DPP10: variants seen among roughly 807,000 people sequenced by gnomAD.
DPP10 encodes inactive dipeptidyl peptidase 10.
In DPP10, 33 loss-of-function variants were observed where a neutral mutation model predicts 120.9. That is an observed-to-expected ratio of 0.27 (90% CI 0.21 to 0.37). DPP10 has a LOEUF of 0.37. Among genes scored for constraint, DPP10 ranks in the 10% least tolerant of loss-of-function variants. DPP10 has a pLI of 1.00. For missense variants in DPP10, 816 were observed against 942.8 expected (o/e 0.87, Z 1.76); for synonymous variants, 337 against 326.1 (o/e 1.03, Z -0.36).
chr2:114,461,672 A>AAAT, intron 1 of DPP10: 1 of 985,434 alleles, frequency 1.0e-6, no homozygotes, highest in Non-Finnish European at 1.2e-6. Context: ...CTTCGGAGAC[A>AAAT]AATACTTGCT....
In DPP10 at chr2:114,676,189, G is replaced by A. The variant is rs185404303; in HGVS notation, c.60+233351G>A. On this transcript the variant is annotated intron_variant, in intron 1 of 25. Transcript: ENST00000410059. ...TAATCCCTATATGACTGTAATATAAGTTATTCTGGGGAACAATTTGAGACA... is the reference window on the plus strand; with the variant it reads ...TAATCCCTATATGACTGTAATATAAATTATTCTGGGGAACAATTTGAGACA... Among the ~76,000 whole-genome samples, 7 of 152,248 alleles carry A rather than the reference G, an allele frequency of 4.6e-5. No individual in the cohort carries two copies. The East Asian group carries it at 7.7e-4, about 17-fold the overall frequency.
intron 3 of DPP10, among the ~76,000 whole-genome samples, chr2:115,458,507 T>A (rs958199503): frequency 6.6e-6 from 1 of 152,036 alleles, no homozygotes; most frequent in Non-Finnish European, 1.5e-5. Context: ...CTTTCTGTAT[T>A]CCTATTTTGA....
intron 1 of DPP10, among the ~76,000 whole-genome samples, chr2:115,224,849 G>A (rs1055044638): frequency 1.4e-4 from 21 of 152,148 alleles, no homozygotes; most frequent in Non-Finnish European, 2.9e-5. Flanking sequence ...CTTACCGCAT[G>A]TTGAACATTA....
Position 115,782,330 on chromosome 2 carries a change from T to A in DPP10, c.1484-22T>A, listed in dbSNP as rs773091434. On this transcript the variant is annotated intron_variant, in intron 16 of 25. Coordinates refer to ENST00000410059, the MANE Select transcript of DPP10 (RefSeq NM_020868.6). ...ACTTAGACATCTTTAAAAATATTTA[T>A]ACACATATTTTTAAATTCCAGGTCC... The A allele has an allele frequency of 6.9e-6, 11 of 1,598,352 alleles. No individual in the cohort carries two copies. In the South Asian group the frequency reaches 1.2e-4, roughly 18 times the overall value.
intron 1 of DPP10, among the ~76,000 whole-genome samples, chr2:114,630,181 AAC>A (rs1271695796): frequency 6.6e-6 from 1 of 152,298 alleles, no homozygotes; most frequent in East Asian, 1.9e-4. Context: ...ATTTTAAAAG[AAC>A]ACATTATTAA....
At chr2:114,956,218 G>A (rs890205952) in intron 1 of DPP10, among the ~76,000 whole-genome samples, 5 of 151,924 alleles carry the variant, frequency 3.3e-5, no homozygotes, top group African/African-American at 7.3e-5. Flanking sequence ...CCACAAAACC[G>A]TCAGAACTAG....
At chr2:115,349,643 T>G (rs1374319435) in intron 3 of DPP10, among the ~76,000 whole-genome samples, 5 of 152,106 alleles carry the variant, frequency 3.3e-5, no homozygotes, top group Non-Finnish European at 7.4e-5. Flanking sequence ...GAAAAGTCAC[T>G]ATTGTAGCCT....
At chr2:115,765,875 A>G (rs1347619693) in intron 12 of DPP10, among the ~76,000 whole-genome samples, 1 of 152,280 alleles carries the variant, frequency 6.6e-6, no homozygotes, top group African/African-American at 2.4e-5. Flanking sequence ...TCAGAGTTTT[A>G]AATTTATTAC....
intron 1 of DPP10, among the ~76,000 whole-genome samples, chr2:115,157,676 T>C (rs1022114900): frequency 6.6e-6 from 1 of 152,160 alleles, no homozygotes; most frequent in Non-Finnish European, 1.5e-5. Context: ...CAAAACCCGA[T>C]TGAGGTGAGT....
intron 5 of DPP10, among the ~76,000 whole-genome samples, chr2:115,582,504 A>T (rs2082056240): frequency 5.9e-5 from 9 of 152,112 alleles, no homozygotes; most frequent in Admixed American, 5.9e-4. Context: ...AGCAAGTTTG[A>T]CATCTGCCCA....
intron 5 of DPP10, among the ~76,000 whole-genome samples, chr2:115,650,558 C>T (rs1456323309): frequency 6.6e-6 from 1 of 151,974 alleles, no homozygotes; most frequent in African/African-American, 2.4e-5. Flanking sequence ...AGTAATTGTT[C>T]TATTTCATAT....
chr2:114,768,851 C>T (rs2106139789), intron 1 of DPP10, among the ~76,000 whole-genome samples: 1 of 152,296 alleles, frequency 6.6e-6, no homozygotes, highest in South Asian at 2.1e-4. Flanking sequence ...TCCATATTTT[C>T]ATATTCAGAT....
At chr2:115,543,820 T>G (rs778701480) in intron 5 of DPP10, among the ~76,000 whole-genome samples, 1 of 152,050 alleles carries the variant, frequency 6.6e-6, no homozygotes, top group African/African-American at 2.4e-5. Context: ...TTGATTGTTA[T>G]TCCTTCTGCT....
chr2:115,547,042 A>AT (rs202065350), intron 5 of DPP10, among the ~76,000 whole-genome samples: 3 of 152,038 alleles, frequency 2.0e-5, no homozygotes, highest in East Asian at 3.9e-4. Context: ...TATAACTGAT[A>AT]TTTTTTTCCT....
intron 3 of DPP10, among the ~76,000 whole-genome samples, chr2:115,495,670 A>C (rs1457561010): frequency 6.6e-6 from 1 of 151,918 alleles, no homozygotes; most frequent in Non-Finnish European, 1.5e-5. Context: ...AAATTATGGG[A>C]AAAAAAATTG....
intron 3 of DPP10, among the ~76,000 whole-genome samples, chr2:115,345,280 T>C (rs11893085): frequency 0.011 from 1,690 of 152,326 alleles, 27 homozygotes; most frequent in African/African-American, 0.039. Flanking sequence ...AATTTGAGGC[T>C]AGTCATATTT....
At chr2:115,507,222 T>A (rs2076995831) in intron 4 of DPP10, among the ~76,000 whole-genome samples, 2 of 152,184 alleles carry the variant, frequency 1.3e-5, no homozygotes, top group South Asian at 4.1e-4. Context: ...CTTTATGATG[T>A]TTCTGCATCA....
At chr2:115,684,365 C>T (rs1027403394) in intron 5 of DPP10, among the ~76,000 whole-genome samples, 1 of 151,794 alleles carries the variant, frequency 6.6e-6, no homozygotes, top group Non-Finnish European at 1.5e-5. Context: ...AGTCACGACT[C>T]ACTCATCTTA....
chr2:115,711,022 A>T (rs1362706820), intron 7 of DPP10, among the ~76,000 whole-genome samples: 2 of 152,172 alleles, frequency 1.3e-5, no homozygotes, highest in African/African-American at 2.4e-5. Flanking sequence ...AAAATGAAAG[A>T]ACTGAACTGC....
Sources: gnomAD v4.1 joint callset for allele counts (sites outside exome capture counted in the v4.1 genomes callset) on GRCh38, gnomAD v4.1.1 for gene constraint, MANE v1.5 for transcripts, NCBI Gene and HGNC (gene_info 2026-07-23, HGNC 2026-07-21) for gene names.